ELMO1: variants seen among roughly 807,000 people sequenced by gnomAD.
ELMO1 encodes engulfment and cell motility 1, also known as engulfment and cell motility protein 1.
A neutral mutation model predicts 98.9 loss-of-function variants in ELMO1; 26 were observed. The observed-to-expected ratio is 0.26, with a 90% CI of 0.19 to 0.36. The LOEUF is 0.36. ELMO1 is among the 10% of genes least tolerant of loss of function. The probability of loss-of-function intolerance (pLI) is 1.00; values close to 1 mark genes in which losing one functional copy is unlikely to be tolerated. For missense variants in ELMO1, 627 were observed against 935.2 expected, an observed-to-expected ratio of 0.67 and a Z score of 4.30; for synonymous variants, 346 against 346.0, an observed-to-expected ratio of 1.00 and a Z score of 0.00.
At chr7:37,385,258 G>C (rs750564711) in intron 1 of ELMO1, among the ~76,000 whole-genome samples, 12 of 152,206 alleles carry the variant, frequency 7.9e-5, no homozygotes, top group African/African-American at 2.4e-4. Flanking sequence ...ATCACGTTTA[G>C]AAAAGCATTC....
intron 13 of ELMO1, among the ~76,000 whole-genome samples, chr7:37,209,567 C>T (rs1405333930): frequency 1.3e-5 from 2 of 152,168 alleles, no homozygotes; most frequent in Non-Finnish European, 2.9e-5. Context: ...AATGTACATG[C>T]CCTGATTCTT....
intron 1 of ELMO1, among the ~76,000 whole-genome samples, chr7:37,424,295 T>C (rs1201262716): frequency 6.6e-6 from 1 of 152,240 alleles, no homozygotes; most frequent in Non-Finnish European, 1.5e-5. Context: ...AAACTTCTCA[T>C]ACTGTACGAA....
rs187633307 is a variant in ELMO1, at chr7:37,379,710, C to A, written c.-73-36947G>T. 3.4e-3 allele frequency among the ~76,000 whole-genome samples: 522 copies of A among 152,294 alleles called. 5 individuals are homozygous for A. Among genetic ancestry groups the A allele is most frequent in the Non-Finnish European group, 6.5e-3 (442 of 68,016 alleles). Reference sequence around the variant, plus strand: ...GTCAGGACCCAGCTGGCATGGCAAACTTCCAAATTCCTGTGGCTCTAAACT... The same window carrying A: ...GTCAGGACCCAGCTGGCATGGCAAAATTCCAAATTCCTGTGGCTCTAAACT... On this transcript the variant is annotated intron_variant, in intron 1 of 21. Coordinates refer to ENST00000310758, the MANE Select transcript of ELMO1 (RefSeq NM_014800.11).
chr7:36,918,998 TCAG>T (rs1450303904), intron 16 of ELMO1, among the ~76,000 whole-genome samples: 1 of 151,038 alleles, frequency 6.6e-6, no homozygotes, highest in Non-Finnish European at 1.5e-5. Context: ...ATTCATTCAG[TCAG>T]TCAGTCAGTC....
chr7:37,166,845 C>T (rs1221916547), intron 13 of ELMO1, among the ~76,000 whole-genome samples: 1 of 152,092 alleles, frequency 6.6e-6, no homozygotes, highest in Non-Finnish European at 1.5e-5. Context: ...CTGTAGATGT[C>T]TATTAGGTCT....
chr7:36,991,880 AC>A (rs1791902316), intron 16 of ELMO1, among the ~76,000 whole-genome samples: 1 of 152,144 alleles, frequency 6.6e-6, no homozygotes, highest in Non-Finnish European at 1.5e-5. Flanking sequence ...CATTCAGATA[AC>A]ATGTCTCCAG....
chr7:37,321,444 G>A (rs1001314951), intron 2 of ELMO1, among the ~76,000 whole-genome samples: 4 of 151,826 alleles, frequency 2.6e-5, no homozygotes, highest in Admixed American at 1.3e-4. Flanking sequence ...GAGGCCGGGC[G>A]CGGTGGTTCA....
intron 1 of ELMO1, among the ~76,000 whole-genome samples, chr7:37,393,150 T>A (rs958143691): frequency 1.3e-5 from 2 of 152,196 alleles, no homozygotes; most frequent in Non-Finnish European, 1.5e-5. Flanking sequence ...TCTTAAAAAT[T>A]TTTATTTTGA....
At chr7:37,426,657 G>A (rs1804723234) in intron 1 of ELMO1, among the ~76,000 whole-genome samples, 1 of 152,046 alleles carries the variant, frequency 6.6e-6, no homozygotes, top group Non-Finnish European at 1.5e-5. Flanking sequence ...GTAAACTCTG[G>A]CAAGTCAGTC....
At chr7:36,871,497 C>T (rs180701005) in intron 19 of ELMO1, among the ~76,000 whole-genome samples, 1 of 152,352 alleles carries the variant, frequency 6.6e-6, no homozygotes, top group East Asian at 1.9e-4. Flanking sequence ...CAATCCCTAA[C>T]CCTCCAGCCC....
At chr7:37,148,693 T>C (rs1352497493) in intron 13 of ELMO1, among the ~76,000 whole-genome samples, 2 of 152,198 alleles carry the variant, frequency 1.3e-5, no homozygotes, top group African/African-American at 4.8e-5. Flanking sequence ...ATAAAGATAT[T>C]TGCAATTTTT....
intron 15 of ELMO1, among the ~76,000 whole-genome samples, chr7:37,068,793 T>G (rs1797117979): frequency 6.6e-6 from 1 of 152,112 alleles, no homozygotes; most frequent in African/African-American, 2.4e-5. Context: ...GAAATCCCCT[T>G]TAGGAGGTCT....
chr7:37,302,664 A>G (rs1337459156), intron 4 of ELMO1, among the ~76,000 whole-genome samples: 1 of 152,120 alleles, frequency 6.6e-6, no homozygotes, highest in Admixed American at 6.5e-5. Flanking sequence ...CCAGACATCA[A>G]GAAGAGACAA....
At chr7:37,054,112 G>A (rs546468945) in intron 15 of ELMO1, among the ~76,000 whole-genome samples, 3 of 152,202 alleles carry the variant, frequency 2.0e-5, no homozygotes, top group African/African-American at 7.2e-5. Flanking sequence ...ATGTCCTTAA[G>A]CTAAATCCAA....
chr7:37,198,492 C>T (rs181227952), intron 13 of ELMO1, among the ~76,000 whole-genome samples: 5 of 152,268 alleles, frequency 3.3e-5, no homozygotes, highest in African/African-American at 1.2e-4. Flanking sequence ...CGACTATATC[C>T]AACTCACTAA....
At chr7:37,312,335 C>T (rs1444796567) in intron 4 of ELMO1, among the ~76,000 whole-genome samples, 2 of 152,226 alleles carry the variant, frequency 1.3e-5, no homozygotes, top group African/African-American at 2.4e-5. Context: ...GTGACCCACC[C>T]GCCTTGGCCT....
intron 6 of ELMO1, 48 bp from the exon 7 acceptor site, chr7:37,244,439 A>T: frequency 6.3e-7 from 1 of 1,587,950 alleles, no homozygotes; most frequent in Non-Finnish European, 8.6e-7. Context: ...TAAAAGCAAC[A>T]ATTTTTACAC....
chr7:36,955,257 T>A (rs1248686750), intron 16 of ELMO1, among the ~76,000 whole-genome samples: 1 of 152,192 alleles, frequency 6.6e-6, no homozygotes, highest in Admixed American at 6.5e-5. Flanking sequence ...TCCTATACTA[T>A]CTGCTTCTAC....
intron 14 of ELMO1, among the ~76,000 whole-genome samples, chr7:37,126,706 C>T (rs557054825): frequency 6.6e-6 from 1 of 152,310 alleles, no homozygotes; most frequent in African/African-American, 2.4e-5. Flanking sequence ...GATTGCTTTT[C>T]CATGTCAGGT....
Sources: gnomAD v4.1 joint callset for allele counts (sites outside exome capture counted in the v4.1 genomes callset) on GRCh38, gnomAD v4.1.1 for gene constraint, MANE v1.5 for transcripts, NCBI Gene and HGNC (gene_info 2026-07-23, HGNC 2026-07-21) for gene names.